MCPH1: variants seen among roughly 807,000 people sequenced by gnomAD.
MCPH1 encodes the protein microcephalin.
Under a neutral mutation model 84.5 loss-of-function variants are expected in MCPH1, and 104 were observed. That is an observed-to-expected ratio of 1.23 (90% CI 1.05 to 1.45). MCPH1 has a LOEUF of 1.45. Ranked by LOEUF, MCPH1 falls within the 40% of genes most tolerant of loss-of-function variation. The pLI is 0.00. For synonymous variants in MCPH1, 514 were observed against 366.8 expected, an observed-to-expected ratio of 1.40 and a Z score of -4.58; for missense variants, 1,498 against 1,005.7, an observed-to-expected ratio of 1.49 and a Z score of -6.62.
chr8:6,619,504 C>T (rs562885374), intron 12 of MCPH1, among the ~76,000 whole-genome samples: 63 of 152,040 alleles, frequency 4.1e-4, no homozygotes, highest in African/African-American at 1.4e-3. Flanking sequence ...TTGGTCAGAC[C>T]GGTCTCGAAC....
rs753535530 is a variant in MCPH1, at chr8:6,621,601, C to T, written c.2362C>T (p.Gln788Ter). ...LVHLCGGRVS[Q>*]VPRQASIVIG... ...CCACCTGTGCGGAGGCCGGGTCAGC[C>T]AAGTCCCCCGCCAGGCCAGCATCGT... Residue 788 changes from glutamine (Q) to a stop codon, truncating the protein, a stop_gained, in exon 13 of 14, where the codon CAA (glutamine) becomes TAA (stop). Transcript: ENST00000344683. LOFTEE classifies it high-confidence loss of function. 1.7e-5 allele frequency: 27 copies of T among 1,614,110 alleles called. No individual in the cohort carries two copies. The highest frequency in any genetic ancestry group is 6.7e-5 in the East Asian group (3 of 44,898).
intron 13 of MCPH1, among the ~76,000 whole-genome samples, chr8:6,635,942 G>C (rs1797517026): frequency 6.6e-6 from 1 of 152,214 alleles, no homozygotes; most frequent in East Asian, 1.9e-4. Context: ...GCTCCCCTGA[G>C]CACGTAAGTC....
chr8:6,555,465 C>CA (rs1189945092), intron 12 of MCPH1, among the ~76,000 whole-genome samples: 24 of 142,634 alleles, frequency 1.7e-4, no homozygotes, highest in African/African-American at 6.0e-4. Flanking sequence ...GTGGTTTGCC[C>CA]TTTTTTTTTT....
chr8:6,439,598 T>C (rs1803204379), intron 6 of MCPH1, among the ~76,000 whole-genome samples: 1 of 152,008 alleles, frequency 6.6e-6, no homozygotes, highest in African/African-American at 2.4e-5. Flanking sequence ...GGTTTCACCA[T>C]GTTGGCCATG....
chr8:6,443,753 G>C (rs1458798089), intron 7 of MCPH1, among the ~76,000 whole-genome samples: 1 of 152,238 alleles, frequency 6.6e-6, no homozygotes, highest in Non-Finnish European at 1.5e-5. Context: ...GGTGGGTTTG[G>C]AAGGATGAAT....
intron 2 of MCPH1, among the ~76,000 whole-genome samples, chr8:6,410,885 T>C (rs1484700763): frequency 2.0e-5 from 3 of 151,836 alleles, no homozygotes; most frequent in African/African-American, 7.3e-5. Context: ...AGGTCAGGAG[T>C]TCGAGACCAG....
At chr8:6,603,141 A>C (rs1381411825) in intron 12 of MCPH1, among the ~76,000 whole-genome samples, 1 of 152,204 alleles carries the variant, frequency 6.6e-6, no homozygotes, top group East Asian at 1.9e-4. Flanking sequence ...CAAATCAGAA[A>C]GTGATCAGCC....
Position 6,455,181 on chromosome 8 carries a change from G to C in MCPH1, c.1864G>C (p.Asp622His). 2.5e-6 allele frequency: 4 copies of C among 1,614,054 alleles called. No homozygotes were observed. The highest frequency in any genetic ancestry group is 2.5e-6 in the Non-Finnish European group (3 of 1,179,980). Reference protein sequence around the residue: ...NRPTRHDVLDDSCDGFKDLIK... With the variant: ...NRPTRHDVLDHSCDGFKDLIK... ...ACCAACAAGGCATGATGTTTTAGATGACTCATGTGACGGCTTTAAGGACCT... is the reference window on the plus strand; with the variant it reads ...ACCAACAAGGCATGATGTTTTAGATCACTCATGTGACGGCTTTAAGGACCT... The change falls in exon 9 of 14, where the codon GAC (aspartate) becomes CAC (histidine). Residue 622 changes from aspartate to histidine, a missense_variant. Coordinates refer to ENST00000344683, the MANE Select transcript of MCPH1 (RefSeq NM_024596.5).
At chr8:6,535,494 G>A (rs1820314664) in intron 12 of MCPH1, among the ~76,000 whole-genome samples, 3 of 152,166 alleles carry the variant, frequency 2.0e-5, no homozygotes, top group Admixed American at 6.5e-5. Context: ...GGTTCACAGT[G>A]GGTGAGCTAA....
chr8:6,568,527 A>G (rs1332578549), intron 12 of MCPH1, among the ~76,000 whole-genome samples: 1 of 152,168 alleles, frequency 6.6e-6, no homozygotes, highest in African/African-American at 2.4e-5. Flanking sequence ...AGATCAAGGG[A>G]TGGAAATGGG....
chr8:6,520,804 T>A (rs1817181900), intron 12 of MCPH1, among the ~76,000 whole-genome samples: 1 of 152,210 alleles, frequency 6.6e-6, no homozygotes. Flanking sequence ...TAAGTGCCAT[T>A]GTATTATCTC....
chr8:6,539,669 C>T lies in MCPH1; in HGVS notation c.2214+39740C>T, dbSNP rs1821177573. On this transcript the variant is annotated intron_variant, in intron 12 of 13. Coordinates refer to ENST00000344683, the MANE Select transcript of MCPH1 (RefSeq NM_024596.5). ...CGGCGTGATCTTGGCTCACTGCAAC[C>T]TCTGCCTCCCTGGTTCAAACGATTC... Among the ~76,000 whole-genome samples, 4 of 152,304 alleles carry T rather than the reference C, an allele frequency of 2.6e-5. No homozygotes were observed. The Middle Eastern group carries it at 0.01, about 389-fold the overall frequency.
chr8:6,491,326 T>TAC (rs998234650), intron 11 of MCPH1, among the ~76,000 whole-genome samples: 1 of 150,994 alleles, frequency 6.6e-6, no homozygotes, highest in Non-Finnish European at 1.5e-5. Flanking sequence ...TTATGGAGAA[T>TAC]ACACCTACCA....
At chr8:6,638,824 C>T (rs1199384987) in intron 13 of MCPH1, among the ~76,000 whole-genome samples, 3 of 152,144 alleles carry the variant, frequency 2.0e-5, no homozygotes, top group African/African-American at 7.2e-5. Flanking sequence ...TGTGTGTTTA[C>T]AGTTAGGAAC....
chr8:6,458,679 C>G (rs926011484), intron 9 of MCPH1, among the ~76,000 whole-genome samples: 1 of 152,076 alleles, frequency 6.6e-6, no homozygotes, highest in African/African-American at 2.4e-5. Flanking sequence ...GAGTATCACT[C>G]TGATGCCCAG....
At chr8:6,584,449 G>C (rs1325978794) in intron 12 of MCPH1, among the ~76,000 whole-genome samples, 1 of 152,076 alleles carries the variant, frequency 6.6e-6, no homozygotes, top group Non-Finnish European at 1.5e-5. Context: ...ACTCTTACTG[G>C]CCAATTTTTT....
At chr8:6,461,586 C>T (rs764677991) in intron 9 of MCPH1, among the ~76,000 whole-genome samples, 20 of 151,920 alleles carry the variant, frequency 1.3e-4, no homozygotes, top group Non-Finnish European at 2.2e-4. Context: ...GTGATGTGCC[C>T]GCCTCAGCCT....
intron 3 of MCPH1, among the ~76,000 whole-genome samples, chr8:6,420,019 T>G (rs1799934528): frequency 6.6e-6 from 1 of 151,986 alleles, no homozygotes; most frequent in Non-Finnish European, 1.5e-5. Flanking sequence ...TCTGCTGTCT[T>G]GCATAGTTTC....
chr8:6,424,918 C>A (rs1800833744), intron 3 of MCPH1, among the ~76,000 whole-genome samples: 1 of 152,210 alleles, frequency 6.6e-6, no homozygotes, highest in African/African-American at 2.4e-5. Flanking sequence ...CACTTTTTTA[C>A]CTCACTAACA....
Sources: allele counts gnomAD v4.1 joint callset (sites outside exome capture counted in the v4.1 genomes callset), GRCh38; gene constraint gnomAD v4.1.1; transcripts MANE v1.5; gene names NCBI Gene and HGNC (gene_info 2026-07-23, HGNC 2026-07-21).